CARS2: variants seen among roughly 807,000 people sequenced by gnomAD.
The protein encoded by CARS2 is probable cysteine--tRNA ligase, mitochondrial.
A neutral mutation model predicts 68.8 loss-of-function variants in CARS2; 52 were observed. That is an observed-to-expected ratio of 0.76 (90% confidence interval 0.61 to 0.95). CARS2 has a LOEUF of 0.95. Ranked by LOEUF, CARS2 falls within the 40% of genes least tolerant of loss-of-function variation. The pLI, the probability that CARS2 is intolerant of heterozygous loss-of-function variation, is 0.00. For synonymous variants in CARS2, 314 were observed against 303.6 expected, an observed-to-expected ratio of 1.03 and a Z score of -0.36; for missense variants, 780 against 754.2, an observed-to-expected ratio of 1.03 and a Z score of -0.40.
intron 12 of CARS2, 135 bp downstream of exon 12, chr13:110,645,832 A>G: frequency 8.4e-7 from 1 of 1,188,766 alleles, no homozygotes; most frequent in Non-Finnish European, 1.2e-6. Flanking sequence ...CTCGGGCTCC[A>G]TGAGTTCCTC....
intron 13 of CARS2, chr13:110,644,184 T>A: frequency 6.8e-7 from 1 of 1,467,908 alleles, no homozygotes; most frequent in Non-Finnish European, 9.1e-7. Flanking sequence ...GTTTGCCAAC[T>A]GCAGAAGTAG....
chr13:110,659,632 T>C (rs1352482086), intron 9 of CARS2, among the ~76,000 whole-genome samples: 3 of 152,228 alleles, frequency 2.0e-5, no homozygotes, highest in African/African-American at 4.8e-5. Context: ...TCCCAGTGCA[T>C]ATAAAAGTTA....
chr13:110,688,142 G>A (rs542708409), intron 3 of CARS2, 124 bp from the exon 4 acceptor site: 171 of 584,130 alleles, frequency 2.9e-4, no homozygotes, highest in Middle Eastern at 4.7e-4. Context: ...CCGGTGCCTC[G>A]GCCTCAGTTT....
intron 13 of CARS2, 176 bp from the exon 14 acceptor site, chr13:110,642,697 G>A: frequency 1.3e-6 from 1 of 770,836 alleles, no homozygotes; most frequent in Non-Finnish European, 2.4e-6. Flanking sequence ...CGAGCGCTGG[G>A]CTCTGGGCAA....
chr13:110,671,397 G>A (rs2062799698), intron 7 of CARS2, among the ~76,000 whole-genome samples: 1 of 152,188 alleles, frequency 6.6e-6, no homozygotes, highest in African/African-American at 2.4e-5. Flanking sequence ...AGAAGAGAGT[G>A]GGGGCCAATA....
chr13:110,710,726 A>T (rs1393295790), upstream of CARS2, among the ~76,000 whole-genome samples: 1 of 152,164 alleles, frequency 6.6e-6, no homozygotes, highest in African/African-American at 2.4e-5. Context: ...TTTTTATCCC[A>T]AGGGGTGGGC....
At chr13:110,698,694 G>T (rs555458734) in intron 3 of CARS2, among the ~76,000 whole-genome samples, 17 of 151,802 alleles carry the variant, frequency 1.1e-4, no homozygotes, top group African/African-American at 4.1e-4. Context: ...TCTTGGATGG[G>T]CTTCATGCCT....
chr13:110,644,037 A>C, intron 13 of CARS2: 1 of 1,206,362 alleles, frequency 8.3e-7, no homozygotes, highest in Non-Finnish European at 1.1e-6. Flanking sequence ...CTTGCCCTCA[A>C]ATGGGTCAGG....
chr13:110,662,534 T>C lies in CARS2; in HGVS notation c.987+917A>G, dbSNP rs200487395. ...TCTTTGTTTTTCTCTTGCTAATCTG[T>C]CTTTGGCCAGAGTCTAATTTACCAA... On this transcript the variant is annotated intron_variant, in intron 9 of 14. Coordinates refer to ENST00000257347, the MANE Select transcript of CARS2 (RefSeq NM_024537.4). 4.6e-5 allele frequency among the ~76,000 whole-genome samples: 7 copies of C among 152,376 alleles called. No homozygotes were observed. The East Asian group carries it at 1.3e-3, about 29-fold the overall frequency.
intron 2 of CARS2, among the ~76,000 whole-genome samples, chr13:110,703,253 G>A (rs966702080): frequency 3.3e-5 from 5 of 152,220 alleles, no homozygotes; most frequent in African/African-American, 9.6e-5. Context: ...GTGCATCCCT[G>A]TCCTGCTGGA....
intron 7 of CARS2, among the ~76,000 whole-genome samples, chr13:110,675,046 ACT>A (rs1491004666): frequency 1.3e-5 from 2 of 150,972 alleles, no homozygotes; most frequent in Non-Finnish European, 3.0e-5. Flanking sequence ...AATCATTAAA[ACT>A]CAGGAAACAA....
intron 3 of CARS2, among the ~76,000 whole-genome samples, chr13:110,694,016 C>T (rs538329181): frequency 2.6e-5 from 4 of 151,896 alleles, no homozygotes; most frequent in East Asian, 2.0e-4. Context: ...AATAATTTTT[C>T]GGTTTTTTTG....
At chr13:110,692,160 T>C (rs370923787) in intron 3 of CARS2, among the ~76,000 whole-genome samples, 2 of 150,884 alleles carry the variant, frequency 1.3e-5, no homozygotes, top group African/African-American at 4.9e-5. Context: ...AAACCTTCTA[T>C]AGCTTTTAAA....
At chr13:110,652,266 A>T (rs2062235778) in intron 9 of CARS2, among the ~76,000 whole-genome samples, 1 of 152,268 alleles carries the variant, frequency 6.6e-6, no homozygotes, top group Non-Finnish European at 1.5e-5. Context: ...CAGAGCTCAG[A>T]TACCCACTTC....
intron 3 of CARS2, among the ~76,000 whole-genome samples, chr13:110,690,752 G>A (rs925497282): frequency 3.3e-5 from 5 of 152,222 alleles, no homozygotes; most frequent in African/African-American, 9.7e-5. Context: ...CTGCCTTCCA[G>A]GAAAGCTGTG....
At chr13:110,707,232 A>T (rs1206396197), upstream of CARS2, 1 of 152,058 alleles carries the variant, frequency 6.6e-6, no homozygotes, top group Non-Finnish European at 1.5e-5. Flanking sequence ...ACCCCAATAC[A>T]CAGTGTGCAA....
At chr13:110,666,976 T>C (rs2062665379) in intron 8 of CARS2, 2 of 984,142 alleles carry the variant, frequency 2.0e-6, no homozygotes, top group Middle Eastern at 1.0e-3. Context: ...AAGGGCAATG[T>C]TATTAGAAGA....
chr13:110,647,609 A>G (rs1226000089), intron 10 of CARS2, among the ~76,000 whole-genome samples: 1 of 120,168 alleles, frequency 8.3e-6, no homozygotes, highest in Admixed American at 8.2e-5. Context: ...CTCTGGAAAG[A>G]GGGAGCCCCG....
At chr13:110,711,338 C>T (rs2139957920), upstream of CARS2, among the ~76,000 whole-genome samples, 1 of 152,256 alleles carries the variant, frequency 6.6e-6, no homozygotes, top group East Asian at 1.9e-4. Flanking sequence ...TCAGCCTCCC[C>T]AATAGCTGGG....
Sources: allele counts gnomAD v4.1 joint callset (sites outside exome capture counted in the v4.1 genomes callset), GRCh38; gene constraint gnomAD v4.1.1; transcripts MANE v1.5; gene names NCBI Gene and HGNC (gene_info 2026-07-23, HGNC 2026-07-21).